The following SCO1 variants were observed in gnomAD, a reference collection of about 807,000 sequenced individuals.
The protein encoded by SCO1 is cytochrome c oxidase assembly factor SCO1.
SCO1 carries 23 observed loss-of-function variants against 34.0 expected under a neutral mutation model. The observed-to-expected ratio is 0.68, with a 90% CI of 0.49 to 0.96. The LOEUF (loss-of-function observed/expected upper bound fraction) is 0.96, where lower values mean the gene tolerates loss of function less well. Among genes scored for constraint, SCO1 ranks in the 40% least tolerant of loss-of-function variants. The probability of loss-of-function intolerance (pLI) is 0.00; values close to 1 mark genes in which losing one functional copy is unlikely to be tolerated. For synonymous variants in SCO1, 161 were observed against 145.5 expected (o/e 1.11, Z -0.77); for missense variants, 404 against 381.6 (o/e 1.06, Z -0.49).
Position 10,688,605 on chromosome 17 carries a change from C to T in SCO1, c.656-1763G>A, listed in dbSNP as rs556885300. On this transcript the variant is annotated intron_variant, in intron 4 of 5. Transcript: ENST00000255390. ...CTCAGTGTCTTAGAAAGTTAAAATA[C>T]ACCTACTATATGATCTAACCATTCC... 1.1e-4 allele frequency among the ~76,000 whole-genome samples: 16 copies of T among 152,280 alleles called. 2 individuals carry two copies. In the South Asian group the frequency reaches 3.3e-3, roughly 32 times the overall value.
Position 10,675,624 on chromosome 17 carries a change from C to T in SCO1, c.*5495G>A, listed in dbSNP as rs565099146. On this transcript the variant is annotated 3_prime_UTR_variant, in exon 6 of 6. Coordinates refer to ENST00000255390, the MANE Select transcript of SCO1 (RefSeq NM_004589.4). ...CCCTTCTGAATTACTAACCATCTCA[C>T]CTCCTGCCAGAGTTAAGCACTATTC... 2 of 152,324 alleles carry T rather than the reference C, an allele frequency of 1.3e-5. No homozygotes were observed. The highest frequency in any genetic ancestry group is 3.9e-4 in the East Asian group (2 of 5,188). The allele number at this position is 152,324 out of a possible 1,614,324, so 9.4% of individuals were successfully genotyped here. A position where few individuals can be genotyped will look rare whatever the true frequency, so the allele number is the denominator to read the frequency against.
Position 10,673,834 on chromosome 17 carries a change from T to A in SCO1, c.*7285A>T, listed in dbSNP as rs1367775131. The A allele has an allele frequency of 6.6e-6, 1 of 152,202 alleles. No homozygotes were observed. The highest frequency in any genetic ancestry group is 1.5e-5 in the Non-Finnish European group (1 of 68,044). The allele number at this position is 152,202 out of a possible 1,614,324, so 9.4% of individuals were successfully genotyped here. On this transcript the variant is annotated 3_prime_UTR_variant, in exon 6 of 6. Coordinates refer to ENST00000255390, the MANE Select transcript of SCO1 (RefSeq NM_004589.4). ...GAAACGCTTGGTATACTGTGCTGAA[T>A]AGAAGTTCTGACAGGGAGTGACAGT...
chr17:10,685,041 C>T (rs2074646561), intron 5 of SCO1, among the ~76,000 whole-genome samples: 1 of 152,230 alleles, frequency 6.6e-6, no homozygotes, highest in African/African-American at 2.4e-5. Flanking sequence ...TTAAGGCAAA[C>T]AGGCCAGAAC....
intron 4 of SCO1, among the ~76,000 whole-genome samples, chr17:10,688,407 C>T (rs2074669957): frequency 1.3e-5 from 2 of 152,154 alleles, no homozygotes; most frequent in Admixed American, 1.3e-4. Context: ...TTAACATTAA[C>T]AGTCATTAAG....
At chr17:10,682,741 C>A (rs1697804877) in intron 5 of SCO1, among the ~76,000 whole-genome samples, 1 of 152,216 alleles carries the variant, frequency 6.6e-6, no homozygotes, top group Non-Finnish European at 1.5e-5. Flanking sequence ...CTACAGAGGT[C>A]TTCCAAGTTC....
chr17:10,686,185 T>C (rs1048902466), intron 5 of SCO1, among the ~76,000 whole-genome samples: 16 of 152,036 alleles, frequency 1.1e-4, no homozygotes, highest in African/African-American at 3.9e-4. Context: ...GAGGTCGAAG[T>C]GAGCCAAGAT....
intron 5 of SCO1, chr17:10,683,836 C>T (rs2074637427): frequency 6.6e-6 from 1 of 151,994 alleles, no homozygotes; most frequent in Admixed American, 6.6e-5. Flanking sequence ...CACTCAAAAG[C>T]CAGAAGCTTG....
At chr17:10,695,943 A>C (rs1597510921) in intron 1 of SCO1, 112 bp from the exon 2 acceptor site, 1 of 776,092 alleles carries the variant, frequency 1.3e-6, no homozygotes, top group Non-Finnish European at 2.2e-6. Flanking sequence ...ATGATGTTAA[A>C]TGTGCAAAAT....
In SCO1 at chr17:10,688,932, C is replaced by T. The variant is rs370137257; in HGVS notation, c.656-2090G>A. Among the ~76,000 whole-genome samples, 633 of 142,024 alleles carry T rather than the reference C, an allele frequency of 4.5e-3. 13 individuals carry two copies. Among genetic ancestry groups the T allele is most frequent in the East Asian group, 0.018 (91 of 5,090 alleles). The allele number at this position is 142,024 out of a possible 152,430, so 93.2% of individuals were successfully genotyped here. On this transcript the variant is annotated intron_variant, in intron 4 of 5. Coordinates refer to ENST00000255390, the MANE Select transcript of SCO1 (RefSeq NM_004589.4). Reference sequence around the variant, plus strand: ...GAGATCGAGACCATCCCGGCTAAAACGGTGAAACCCCGTCTCTACTAAAAA... The same window carrying T: ...GAGATCGAGACCATCCCGGCTAAAATGGTGAAACCCCGTCTCTACTAAAAA...
In SCO1 at chr17:10,695,624, A is replaced by ATT. The variant is rs3834598; in HGVS notation, c.364+115_364+116dup. ...ATGTAGAACCTATGCTATCTTTGCA[A>ATT]TTTTTTGGTAAATCTAAAGTTGTTT... On this transcript the variant is annotated intron_variant, in intron 2 of 5. Coordinates refer to ENST00000255390, the MANE Select transcript of SCO1 (RefSeq NM_004589.4). The ATT allele has an allele frequency of 4.1e-6, 3 of 734,944 alleles. No homozygotes were observed. In the Admixed American group the frequency reaches 6.5e-5, roughly 16 times the overall value. The allele number at this position is 734,944 out of a possible 1,614,324, so 45.5% of individuals were successfully genotyped here.
At chr17:10,686,205 G>T (rs2074655029) in intron 5 of SCO1, among the ~76,000 whole-genome samples, 1 of 152,080 alleles carries the variant, frequency 6.6e-6, no homozygotes, top group South Asian at 2.1e-4. Flanking sequence ...TCGCACCACT[G>T]CACTCCAGCC....
chr17:10,686,780 C>T lies in SCO1; in HGVS notation c.718G>A (p.Ala240Thr). Residue 240 changes from alanine to threonine, a missense_variant, in exon 5 of 6, where the codon GCA (alanine) becomes ACA (threonine). By Grantham distance (58) the Ala-to-Thr change is moderately conservative (BLOSUM62 0). Coordinates refer to ENST00000255390, the MANE Select transcript of SCO1 (RefSeq NM_004589.4). ...TREEVDQVAR[A>T]YRVYYSPGPK... ...CCAGGGCTGTAATACACTCTGTATG[C>T]TCTGGCCACTTGATCGACCTCTTCT... 1 of 1,614,024 alleles carries T rather than the reference C, an allele frequency of 6.2e-7. No individual in the cohort carries two copies. The highest frequency in any genetic ancestry group is 1.1e-5 in the South Asian group (1 of 91,080).
At chr17:10,691,222 C>T (rs1291917479) in intron 4 of SCO1, among the ~76,000 whole-genome samples, 3 of 152,134 alleles carry the variant, frequency 2.0e-5, no homozygotes, top group East Asian at 3.9e-4. Context: ...CAGGTTCACG[C>T]GAATTCTCCT....
chr17:10,695,646 G>A, intron 2 of SCO1, 95 bp downstream of exon 2: 1 of 913,038 alleles, frequency 1.1e-6, no homozygotes, highest in Admixed American at 1.9e-5. Flanking sequence ...ATCTAAAGTT[G>A]TTTCAAAACA....
intron 5 of SCO1, among the ~76,000 whole-genome samples, chr17:10,686,350 A>G (rs1472694066): frequency 6.6e-6 from 1 of 152,080 alleles, no homozygotes. Context: ...GTACTTTGGG[A>G]GGCTGAGGCG....
At position 10,680,109 on chromosome 17, in the gene SCO1, AG is replaced by A. The variant is rs562422664; in HGVS notation, c.*1009del. On this transcript the variant is annotated 3_prime_UTR_variant, in exon 6 of 6. Transcript: ENST00000255390. ...TATTTCCCCAAAAAACACTTTCTTA[AG>A]GGATGGTCCCAGTCCGCCAGCATCC... is the stretch of plus-strand genomic sequence containing the variant. 14 of 152,470 alleles carry A rather than the reference AG, an allele frequency of 9.2e-5. No individual in the cohort carries two copies. The highest frequency in any genetic ancestry group is 3.1e-4 in the African/African-American group (13 of 41,580). The allele number at this position is 152,470 out of a possible 1,614,324, so 9.4% of individuals were successfully genotyped here. A position where few individuals can be genotyped will look rare whatever the true frequency, so the allele number is the denominator to read the frequency against.
Position 10,676,305 on chromosome 17 carries a change from A to G in SCO1, c.*4814T>C, listed in dbSNP as rs76443454. 76,322 of 151,926 alleles carry G rather than the reference A, an allele frequency of 0.5. 19,886 individuals carry two copies. Among genetic ancestry groups the G allele is most frequent in the African/African-American group, 0.64 (26,348 of 41,394 alleles). 9.4% of individuals were successfully genotyped at this position (151,926 alleles called of 1,614,324 possible). On this transcript the variant is annotated 3_prime_UTR_variant, in exon 6 of 6. Transcript: ENST00000255390. ...CGGGTTTCTCCATGTTGGTCAGGCC[A>G]GTCTCGAACTCTCAACCTCAGGTGA...
At chr17:10,684,289 C>T (rs2074640321) in intron 5 of SCO1, among the ~76,000 whole-genome samples, 1 of 152,218 alleles carries the variant, frequency 6.6e-6, no homozygotes, top group Admixed American at 6.5e-5. Context: ...CTTGTGTTTG[C>T]TCCATGATCT....
intron 2 of SCO1, among the ~76,000 whole-genome samples, chr17:10,694,315 C>G (rs1264164535): frequency 6.6e-6 from 1 of 152,162 alleles, no homozygotes; most frequent in Non-Finnish European, 1.5e-5. Flanking sequence ...CTAAGGTAAA[C>G]AACTAGATAC....
Sources: allele counts gnomAD v4.1 joint callset (sites outside exome capture counted in the v4.1 genomes callset), GRCh38; gene constraint gnomAD v4.1.1; transcripts MANE v1.5; gene names NCBI Gene and HGNC (gene_info 2026-07-23, HGNC 2026-07-21).